Variants in MBNL2 observed in about 807,000 individuals in gnomAD.
MBNL2 encodes the protein muscleblind like splicing regulator 2.
A neutral mutation model predicts 41.9 loss-of-function variants in MBNL2; 17 were observed. The ratio of observed to expected loss-of-function variants is 0.41; its 90% confidence interval spans 0.28 to 0.61. The LOEUF (loss-of-function observed/expected upper bound fraction) is 0.61, where lower values mean the gene tolerates loss of function less well. Among genes scored for constraint, MBNL2 ranks in the 20% least tolerant of loss-of-function variants. The pLI, the probability that MBNL2 is intolerant of heterozygous loss-of-function variation, is 0.35. For synonymous variants in MBNL2, 195 were observed against 182.9 expected (o/e 1.07, Z -0.53); for missense variants, 336 against 505.6 (o/e 0.66, Z 3.22).
rs202014568 is a variant in MBNL2, at chr13:97,300,379, C to T, written c.174+23970C>T. Among the ~76,000 whole-genome samples, 5 of 152,268 alleles carry T rather than the reference C, an allele frequency of 3.3e-5. No homozygotes were observed. In the East Asian group the frequency reaches 5.8e-4, roughly 18 times the overall value. ...CCCCAACGTTTTTGGCATCAGAGAC[C>T]GATTTCATAGAAGGTCGGTGGGGGA... On this transcript the variant is annotated intron_variant, in intron 2 of 8. Transcript: ENST00000679496.
At chr13:97,290,431 C>A (rs2055624788) in intron 2 of MBNL2, among the ~76,000 whole-genome samples, 2 of 151,178 alleles carry the variant, frequency 1.3e-5, no homozygotes, top group East Asian at 3.9e-4. Context: ...AATCCCAGCA[C>A]TTTGGGAGGT....
chr13:97,222,186 A>C, upstream of MBNL2: 2 of 380,850 alleles, frequency 5.3e-6, no homozygotes, highest in Non-Finnish European at 9.3e-6. Flanking sequence ...CTGTTTTTAC[A>C]CACTGCAAGT....
rs191995368 is a variant in MBNL2 at position 97,357,375 on chromosome 13, C to T, written c.859-107C>T. The T allele has an allele frequency of 2.5e-5, 23 of 920,296 alleles. No individual in the cohort carries two copies. The East Asian group carries it at 5.3e-4, about 21-fold the overall frequency. 57.0% of individuals were successfully genotyped at this position (920,296 alleles called of 1,614,324 possible). A position where few individuals can be genotyped will look rare whatever the true frequency, so the allele number is the denominator to read the frequency against. ...ATTAAGGTGCATGGCAGAGGCATCTCCTTAGCTGTCATTTTTAAAAAGAAT... is the reference window on the plus strand; with the variant it reads ...ATTAAGGTGCATGGCAGAGGCATCTTCTTAGCTGTCATTTTTAAAAAGAAT... On this transcript the variant is annotated intron_variant, in intron 6 of 8. Coordinates refer to ENST00000679496, the MANE Select transcript of MBNL2 (RefSeq NM_001382683.1).
intron 1 of MBNL2, among the ~76,000 whole-genome samples, chr13:97,253,707 T>C (rs910563931): frequency 2.0e-5 from 3 of 152,150 alleles, no homozygotes; most frequent in Non-Finnish European, 4.4e-5. Flanking sequence ...CTTTGTAAAA[T>C]AGCAATACAC....
At chr13:97,265,596 C>G (rs955429231) in intron 1 of MBNL2, among the ~76,000 whole-genome samples, 1 of 152,100 alleles carries the variant, frequency 6.6e-6, no homozygotes, top group Non-Finnish European at 1.5e-5. Context: ...ACTTATACTT[C>G]GTTGACTTTG....
chr13:97,192,773 T>C, the MBNL2 span, among the ~76,000 whole-genome samples: 1 of 152,202 alleles, frequency 6.6e-6, no homozygotes, highest in African/African-American at 2.4e-5. Context: ...TAGCTTTCAC[T>C]CTCAAACAAG....
the MBNL2 span, among the ~76,000 whole-genome samples, chr13:97,149,580 T>C: frequency 6.6e-6 from 1 of 152,136 alleles, no homozygotes; most frequent in Admixed American, 6.6e-5. Context: ...TTTGCCTCCT[T>C]TTTTACCTAC....
At chr13:97,368,801 AC>A (rs2064103652) in intron 8 of MBNL2, among the ~76,000 whole-genome samples, 1 of 151,788 alleles carries the variant, frequency 6.6e-6, no homozygotes, top group African/African-American at 2.4e-5. Context: ...AAAATATATC[AC>A]TTTCAGGAAG....
intron 1 of MBNL2, among the ~76,000 whole-genome samples, chr13:97,254,154 T>C (rs2047098573): frequency 6.6e-6 from 1 of 152,240 alleles, no homozygotes; most frequent in South Asian, 2.1e-4. Context: ...TCCAAAGTGC[T>C]GGGATTACAG....
chr13:97,176,335 A>C, the MBNL2 span, among the ~76,000 whole-genome samples: 1 of 152,186 alleles, frequency 6.6e-6, no homozygotes, highest in Non-Finnish European at 1.5e-5. Flanking sequence ...ACTTGGGGGC[A>C]CTTTTTTGGA....
chr13:97,291,264 C>G (rs2055892243), intron 2 of MBNL2, among the ~76,000 whole-genome samples: 1 of 151,960 alleles, frequency 6.6e-6, no homozygotes, highest in Non-Finnish European at 1.5e-5. Flanking sequence ...TATTTTGAGA[C>G]AGAGTCTCAC....
At chr13:97,387,178 T>C (rs2065984716) in intron 8 of MBNL2, among the ~76,000 whole-genome samples, 1 of 151,982 alleles carries the variant, frequency 6.6e-6, no homozygotes, top group Non-Finnish European at 1.5e-5. Flanking sequence ...CTTGAGGCAA[T>C]AGTCTCCCAG....
intron 4 of MBNL2, among the ~76,000 whole-genome samples, chr13:97,345,894 A>G (rs770440859): frequency 1.3e-5 from 2 of 152,186 alleles, no homozygotes; most frequent in Non-Finnish European, 2.9e-5. Context: ...AACCTATAGC[A>G]TTGTCAGAAT....
intron 3 of MBNL2, among the ~76,000 whole-genome samples, chr13:97,339,265 G>A (rs2061215231): frequency 6.6e-6 from 1 of 152,104 alleles, no homozygotes; most frequent in South Asian, 2.1e-4. Flanking sequence ...ATATGAGTGT[G>A]TTGTGTGTGT....
intron 1 of MBNL2, among the ~76,000 whole-genome samples, chr13:97,266,005 G>A (rs2049700302): frequency 6.6e-6 from 1 of 152,142 alleles, no homozygotes; most frequent in African/African-American, 2.4e-5. Flanking sequence ...ACTTTGGGAG[G>A]CCGAGGTGGG....
chr13:97,155,127 T>G, the MBNL2 span, among the ~76,000 whole-genome samples: 1 of 152,138 alleles, frequency 6.6e-6, no homozygotes, highest in South Asian at 2.1e-4. Context: ...GTTTCCTTAG[T>G]TTAGATTTCA....
the MBNL2 span, among the ~76,000 whole-genome samples, chr13:97,203,656 C>T: frequency 6.6e-6 from 1 of 152,170 alleles, no homozygotes; most frequent in Admixed American, 6.5e-5. Flanking sequence ...CAAGCACCGC[C>T]TGACTCTTCA....
the MBNL2 span, among the ~76,000 whole-genome samples, chr13:97,158,735 G>A: frequency 6.6e-6 from 1 of 151,934 alleles, no homozygotes; most frequent in Admixed American, 6.6e-5. Context: ...CTGAGTTCTA[G>A]TTTGATTGCA....
intron 1 of MBNL2, among the ~76,000 whole-genome samples, chr13:97,250,272 T>G (rs2152837510): frequency 6.6e-6 from 1 of 152,292 alleles, no homozygotes; most frequent in South Asian, 2.1e-4. Context: ...AGCTCATTGG[T>G]TCTATTTTAT....
Sources: gnomAD v4.1 joint callset for allele counts (sites outside exome capture counted in the v4.1 genomes callset) on GRCh38, gnomAD v4.1.1 for gene constraint, MANE v1.5 for transcripts, NCBI Gene and HGNC (gene_info 2026-07-23, HGNC 2026-07-21) for gene names.